Variants in PCDH15 observed in about 807,000 individuals in gnomAD.
PCDH15 encodes the protein protocadherin related 15.
In PCDH15, 129 loss-of-function variants were observed where a neutral mutation model predicts 178.5. That is an observed-to-expected ratio of 0.72 (90% confidence interval 0.63 to 0.84). PCDH15 has a LOEUF of 0.84. Among genes scored for constraint, PCDH15 ranks in the 40% least tolerant of loss-of-function variants. The pLI is 0.00. For missense variants in PCDH15, 2,230 were observed against 2,099.9 expected (o/e 1.06, Z -1.21); for synonymous variants, 800 against 732.0 (o/e 1.09, Z -1.50).
At chr10:54,373,623 G>A (rs570914972) in intron 4 of PCDH15, among the ~76,000 whole-genome samples, 3 of 151,922 alleles carry the variant, frequency 2.0e-5, no homozygotes, top group Non-Finnish European at 4.4e-5. Flanking sequence ...TTAATGGTAG[G>A]TATTTGTTAT....
chr10:55,218,340 C>G (rs189955656), intron 1 of PCDH15, among the ~76,000 whole-genome samples: 1 of 151,046 alleles, frequency 6.6e-6, no homozygotes, highest in Non-Finnish European at 1.5e-5. Flanking sequence ...CACGAGTTAA[C>G]GAAATAATAG....
intron 28 of PCDH15, among the ~76,000 whole-genome samples, chr10:53,842,394 C>T (rs988614112): frequency 6.6e-6 from 1 of 152,040 alleles, no homozygotes; most frequent in African/African-American, 2.4e-5. Context: ...TACAGGCATG[C>T]ACCACCACAC....
intron 16 of PCDH15, among the ~76,000 whole-genome samples, chr10:54,080,118 A>G (rs1344360931): frequency 6.6e-6 from 1 of 151,994 alleles, no homozygotes; most frequent in African/African-American, 2.4e-5. Context: ...TCATGTTCTC[A>G]TTTTATAATT....
chr10:54,129,734 T>C (rs950335329), intron 15 of PCDH15, among the ~76,000 whole-genome samples: 5 of 152,236 alleles, frequency 3.3e-5, no homozygotes, highest in Admixed American at 2.0e-4. Context: ...AATCCACACA[T>C]ACTGAAGTCC....
At chr10:55,348,467 G>A (rs1336762179) in intron 2 of PCDH15, among the ~76,000 whole-genome samples, 3 of 152,016 alleles carry the variant, frequency 2.0e-5, no homozygotes, top group Non-Finnish European at 4.4e-5. Context: ...ATTTGGTAAT[G>A]AACAAACAAA....
At chr10:54,767,796 A>G (rs1318144302) in intron 1 of PCDH15, among the ~76,000 whole-genome samples, 38 of 152,162 alleles carry the variant, frequency 2.5e-4, no homozygotes, top group Admixed American at 2.5e-3. Flanking sequence ...AATACTGTCA[A>G]GGTCATCAAA....
At chr10:54,422,999 C>T (rs1955742542) in intron 3 of PCDH15, among the ~76,000 whole-genome samples, 2 of 152,118 alleles carry the variant, frequency 1.3e-5, no homozygotes, top group South Asian at 4.1e-4. Context: ...AGTCCTGTTT[C>T]ACTGTATAAG....
At chr10:55,116,907 C>G (rs1175029333) in intron 2 of PCDH15, among the ~76,000 whole-genome samples, 2 of 152,144 alleles carry the variant, frequency 1.3e-5, no homozygotes, top group African/African-American at 4.8e-5. Context: ...TCTGAAGACA[C>G]ATGGAACAGA....
chr10:55,094,929 C>CTT (rs60073886), intron 2 of PCDH15, among the ~76,000 whole-genome samples: 29,154 of 130,206 alleles, frequency 0.22, 3,800 homozygotes, highest in African/African-American at 0.33. Flanking sequence ...TATCCAAATT[C>CTT]TTTTTTTTTT....
intron 2 of PCDH15, among the ~76,000 whole-genome samples, chr10:55,132,525 A>G (rs889810182): frequency 1.3e-5 from 2 of 152,202 alleles, no homozygotes; most frequent in African/African-American, 4.8e-5. Context: ...AACTATTTAT[A>G]TGTTCCTAGA....
intron 26 of PCDH15, among the ~76,000 whole-genome samples, chr10:53,885,399 T>A (rs750249370): frequency 6.6e-5 from 10 of 151,754 alleles, no homozygotes; most frequent in African/African-American, 1.5e-4. Context: ...ATATGCCTTT[T>A]AAAAAAAAGA....
intron 2 of PCDH15, among the ~76,000 whole-genome samples, chr10:55,570,731 G>A (rs1014703780): frequency 1.3e-5 from 2 of 151,886 alleles, no homozygotes; most frequent in Non-Finnish European, 1.5e-5. Flanking sequence ...TATACATAAA[G>A]GCAAAGTGGA....
chr10:54,404,111 G>T lies in PCDH15; in HGVS notation c.158-25169C>A, dbSNP rs1047899911. On this transcript the variant is annotated intron_variant, in intron 3 of 37. Coordinates refer to ENST00000644397, the MANE Select transcript of PCDH15 (RefSeq NM_001384140.1). ...GACATTCTTCACAGAACTAGAAAAG[G>T]CTATTTTAATATTCATATTATAAAT... 2.6e-5 allele frequency among the ~76,000 whole-genome samples: 4 copies of T among 151,378 alleles called. No individual in the cohort carries two copies. In the South Asian group the frequency reaches 6.3e-4, roughly 24 times the overall value.
chr10:54,251,291 G>A (rs1382166341), intron 8 of PCDH15, among the ~76,000 whole-genome samples: 3 of 152,126 alleles, frequency 2.0e-5, no homozygotes, highest in East Asian at 1.9e-4. Context: ...TGCTTTAACT[G>A]TGATTCATAA....
intron 8 of PCDH15, among the ~76,000 whole-genome samples, chr10:54,239,253 C>A (rs1023974633): frequency 5.3e-5 from 8 of 151,854 alleles, no homozygotes; most frequent in Non-Finnish European, 7.4e-5. Flanking sequence ...ATAAAATATT[C>A]TTTCTATAAT....
chr10:54,192,132 G>A (rs1314393010), intron 11 of PCDH15, among the ~76,000 whole-genome samples: 24 of 100,732 alleles, frequency 2.4e-4, no homozygotes, highest in African/African-American at 1.3e-3. Context: ...AAGAAAGAAA[G>A]AGAAAGAGAA....
chr10:54,600,352 G>T (rs2092465156), intron 2 of PCDH15: 1 of 538,760 alleles, frequency 1.9e-6, no homozygotes. Context: ...TGGAGAGGTA[G>T]AAGGAAAAGA....
At chr10:55,343,517 T>A (rs1395051530) in intron 2 of PCDH15, among the ~76,000 whole-genome samples, 1 of 152,070 alleles carries the variant, frequency 6.6e-6, no homozygotes, top group Non-Finnish European at 1.5e-5. Flanking sequence ...CTTCTTACCT[T>A]ATTTATATCA....
chr10:54,166,129 T>C (rs1400870581), intron 13 of PCDH15, among the ~76,000 whole-genome samples: 3 of 152,254 alleles, frequency 2.0e-5, no homozygotes, highest in Non-Finnish European at 2.9e-5. Context: ...GAAATTACTA[T>C]GCCTTTGGCC....
Sources: gnomAD v4.1 joint callset for allele counts (sites outside exome capture counted in the v4.1 genomes callset) on GRCh38, gnomAD v4.1.1 for gene constraint, MANE v1.5 for transcripts, NCBI Gene and HGNC (gene_info 2026-07-23, HGNC 2026-07-21) for gene names.